The following CCT4 variants were observed in gnomAD, a reference collection of about 807,000 sequenced individuals.
CCT4 encodes chaperonin containing TCP1 subunit 4, also known as T-complex protein 1 subunit delta.
A neutral mutation model predicts 62.5 loss-of-function variants in CCT4; 17 were observed. The observed-to-expected ratio is 0.27, with a 90% confidence interval of 0.19 to 0.41. The LOEUF (loss-of-function observed/expected upper bound fraction) is 0.41, where lower values mean the gene tolerates loss of function less well. Among genes scored for constraint, CCT4 ranks in the 10% least tolerant of loss-of-function variants. The probability of loss-of-function intolerance (pLI) is 1.00; values close to 1 mark genes in which losing one functional copy is unlikely to be tolerated. For synonymous variants in CCT4, 250 were observed against 229.9 expected (o/e 1.09, Z -0.79); for missense variants, 592 against 659.2 (o/e 0.90, Z 1.12).
At chr2:61,874,622 AAAG>A (rs1458067973) in intron 8 of CCT4, among the ~76,000 whole-genome samples, 1 of 152,162 alleles carries the variant, frequency 6.6e-6, no homozygotes, top group Non-Finnish European at 1.5e-5. Flanking sequence ...AAAAAAAAAA[AAAG>A]AAGGAAAAAA....
chr2:61,869,352 CA>C (rs1483388617), intron 13 of CCT4, 87 bp downstream of exon 13: 4 of 754,706 alleles, frequency 5.3e-6, no homozygotes, highest in Non-Finnish European at 9.2e-6. Flanking sequence ...ACCAACCAAC[CA>C]ACCAAACAAC....
In CCT4 at chr2:61,876,957, C is replaced by G; in HGVS notation, c.740G>C (p.Gly247Ala). The change falls in exon 7 of 14, where the codon GGG becomes GCG. Residue 247 changes from glycine (G) to alanine (A), a missense_variant. By Grantham distance (60) the Gly-to-Ala change is moderately conservative (BLOSUM62 0). Coordinates refer to ENST00000394440, the MANE Select transcript of CCT4 (RefSeq NM_006430.4). Reference protein sequence around the residue: ...GITRVEKAKIGLIQFCLSAPK... With the variant: ...GITRVEKAKIALIQFCLSAPK... The stretch of plus-strand genomic sequence containing the variant: ...AGCAGATAAGCAAAACTGAATAAGC[C>G]CAATCTTGGCCTTTTCAACTCTGGT... 1 of 1,613,586 alleles carries G rather than the reference C, an allele frequency of 6.2e-7. No homozygotes were observed. The highest frequency in any genetic ancestry group is 8.5e-7 in the Non-Finnish European group (1 of 1,179,768).
At chr2:61,883,058 G>A (rs150586304) in intron 3 of CCT4, among the ~76,000 whole-genome samples, 57 of 152,272 alleles carry the variant, frequency 3.7e-4, no homozygotes, top group Non-Finnish European at 7.6e-4. Context: ...CACGAAAAGT[G>A]TTCATCGTGC....
rs1389112912 is a variant in CCT4 at position 61,868,361 on chromosome 2, G to GC, written c.*330dup. The GC allele has an allele frequency of 4.9e-5, 13 of 267,168 alleles. No homozygotes were observed. Among genetic ancestry groups the GC allele is most frequent in the Non-Finnish European group, 5.0e-5 (7 of 139,810 alleles). The allele number at this position is 267,168 out of a possible 1,614,324, so 16.5% of individuals were successfully genotyped here. The stretch of plus-strand genomic sequence containing the variant: ...ATATTATATGTTGGTAGTTTTTAAG[G>GC]CCAGGGAGCATTTATCAGTGATGAG... On this transcript the variant is annotated 3_prime_UTR_variant, in exon 14 of 14. Coordinates refer to ENST00000394440, the MANE Select transcript of CCT4 (RefSeq NM_006430.4).
chr2:61,877,526 A>T lies in CCT4; in HGVS notation c.523-12T>A, dbSNP rs1000294081. 15 of 200,900 alleles carry T rather than the reference A, an allele frequency of 7.5e-5. No homozygotes were observed. Among genetic ancestry groups the T allele is most frequent in the Middle Eastern group, 7.6e-4 (1 of 1,308 alleles). The allele number at this position is 200,900 out of a possible 1,614,324, so 12.4% of individuals were successfully genotyped here. ...TACTGAGAAACCACCTAGAATTATT[A>T]AAAAAAAAAAAAAGTTACCTTCACA... On this transcript the variant is annotated splice_polypyrimidine_tract_variant and intron_variant, in intron 5 of 13. Transcript: ENST00000394440.
At chr2:61,878,011 A>G (rs1284877924) in intron 5 of CCT4, among the ~76,000 whole-genome samples, 2 of 152,174 alleles carry the variant, frequency 1.3e-5, no homozygotes, top group Non-Finnish European at 1.5e-5. Context: ...TTGGCCAAAC[A>G]GCGTAGTTAA....
At chr2:61,869,143 GAAAAAAAAA>G (rs33947847) in intron 13 of CCT4, among the ~76,000 whole-genome samples, 2 of 70,716 alleles carry the variant, frequency 2.8e-5, no homozygotes, top group East Asian at 4.2e-4. Context: ...CTTCGTCTCA[GAAAAAAAAA>G]AAAAAAAAAA....
rs1668918028 is a variant in CCT4, at chr2:61,873,039, T to C, written c.1088A>G (p.Glu363Gly). Residue 363 changes from glutamate (E) to glycine (G), a missense_variant, in exon 10 of 14, where the codon GAG becomes GGG. Glu to Gly is a moderately conservative substitution (Grantham distance 98). This residue lies in a region of CCT4 where 522 missense variants were observed against 571.2 expected (regional missense o/e 0.91). Coordinates refer to ENST00000394440, the MANE Select transcript of CCT4 (RefSeq NM_006430.4). ...GCCAGAACCATTTAAATTGACCTCCTCAGCTAACTCAGCAGAACCCAGCAT... is the reference window on the plus strand; with the variant it reads ...GCCAGAACCATTTAAATTGACCTCCCCAGCTAACTCAGCAGAACCCAGCAT... ...ADMLGSAELA[E>G]EVNLNGSGKL... The C allele has an allele frequency of 6.2e-7, 1 of 1,612,022 alleles. No individual in the cohort carries two copies. Among genetic ancestry groups the C allele is most frequent in the South Asian group, 1.1e-5 (1 of 91,058 alleles).
Position 61,888,630 on chromosome 2 carries a change from C to T in CCT4, c.-123G>A. 3 of 1,227,166 alleles carry T rather than the reference C, an allele frequency of 2.4e-6. No homozygotes were observed. Among genetic ancestry groups the T allele is most frequent in the Non-Finnish European group, 3.3e-6 (3 of 911,264 alleles). The allele number at this position is 1,227,166 out of a possible 1,614,324, so 76.0% of individuals were successfully genotyped here. On this transcript the variant is annotated 5_prime_UTR_variant, in exon 1 of 14. Coordinates refer to ENST00000394440, the MANE Select transcript of CCT4 (RefSeq NM_006430.4). ...CGAACCTTCCAGAAAGCGGCGCCGG[C>T]GTCGGGAGGAGGCGGAGGCGGAGAA...
At chr2:61,870,249 T>C (rs1457357832) in intron 12 of CCT4, among the ~76,000 whole-genome samples, 1 of 151,922 alleles carries the variant, frequency 6.6e-6, no homozygotes, top group Non-Finnish European at 1.5e-5. Flanking sequence ...CACTCCAGCC[T>C]GGGTAACAGA....
At chr2:61,887,303 A>G (rs1304807915) in intron 1 of CCT4, among the ~76,000 whole-genome samples, 1 of 152,210 alleles carries the variant, frequency 6.6e-6, no homozygotes, top group Non-Finnish European at 1.5e-5. Flanking sequence ...TGGGCTGATG[A>G]CTGCAAACAC....
chr2:61,872,030 T>TTG, intron 12 of CCT4, 52 bp downstream of exon 12: 2 of 1,298,330 alleles, frequency 1.5e-6, no homozygotes, highest in African/African-American at 3.0e-5. Flanking sequence ...CTACAAAGCT[T>TTG]TTAATATTTT....
chr2:61,885,179 C>A, intron 1 of CCT4, 107 bp from the exon 2 acceptor site: 1 of 694,224 alleles, frequency 1.4e-6, no homozygotes. Context: ...TGGGCTCAAG[C>A]AACCCTCCCA....
At chr2:61,871,055 G>A (rs1254367396) in intron 12 of CCT4, among the ~76,000 whole-genome samples, 2 of 144,212 alleles carry the variant, frequency 1.4e-5, no homozygotes, top group African/African-American at 2.6e-5. Flanking sequence ...TTTTTGAGAC[G>A]GAGTCTCGCC....
rs59031193 is a variant in CCT4 at position 61,883,773 on chromosome 2, G to GACACAC, written c.181-231_181-226dup. ...GGTAATCTAAAAGTGAAGAAATGTA[G>GACACAC]ACACACACACACACACACACACACA... is the stretch of plus-strand genomic sequence containing the variant. On this transcript the variant is annotated intron_variant, in intron 2 of 13. Coordinates refer to ENST00000394440, the MANE Select transcript of CCT4 (RefSeq NM_006430.4). 3.0e-3 allele frequency among the ~76,000 whole-genome samples: 434 copies of GACACAC among 143,916 alleles called. 2 individuals are homozygous for GACACAC. Among genetic ancestry groups the GACACAC allele is most frequent in the African/African-American group, 5.7e-3 (225 of 39,144 alleles). 94.4% of individuals were successfully genotyped at this position (143,916 alleles called of 152,430 possible). A position where few individuals can be genotyped will look rare whatever the true frequency, so the allele number is the denominator to read the frequency against.
At chr2:61,876,706 C>T (rs754591057) in intron 7 of CCT4, among the ~76,000 whole-genome samples, 2 of 152,158 alleles carry the variant, frequency 1.3e-5, no homozygotes, top group South Asian at 2.1e-4. Context: ...CTACAGGCAT[C>T]GTTGCAAATG....
Position 61,888,396 on chromosome 2 carries a change from T to A in CCT4, c.112A>T (p.Ile38Phe), listed in dbSNP as rs199542002. The change falls in exon 1 of 14, where the codon ATT becomes TTT. Residue 38 changes from isoleucine to phenylalanine, a missense_variant. Physicochemically the swap from Ile to Phe is conservative, Grantham distance 21 (BLOSUM62 0). Coordinates refer to ENST00000394440, the MANE Select transcript of CCT4 (RefSeq NM_006430.4). Reference sequence around the variant, plus strand: ...AGAGTGATACCTTTGGCGGCGGAAATGTTGCTGAAGCGGATCTGGGCTGGC... The same window carrying A: ...AGAGTGATACCTTTGGCGGCGGAAAAGTTGCTGAAGCGGATCTGGGCTGGC... ...DKPAQIRFSN[I>F]SAAKAVADAI... The A allele has an allele frequency of 6.2e-7, 1 of 1,612,620 alleles. No homozygotes were observed. Among genetic ancestry groups the A allele is most frequent in the South Asian group, 1.1e-5 (1 of 90,934 alleles).
chr2:61,884,007 G>T (rs912953317), intron 2 of CCT4, among the ~76,000 whole-genome samples: 1 of 152,084 alleles, frequency 6.6e-6, no homozygotes, highest in African/African-American at 2.4e-5. Flanking sequence ...GGGAAAGATA[G>T]ATTTTTGAAT....
Position 61,888,607 on chromosome 2 carries a change from A to T in CCT4, c.-100T>A. Reference sequence around the variant, plus strand: ...ACGGTAAGCCCTCACTGCCTTCACGAACCTTCCAGAAAGCGGCGCCGGCGT... The same window carrying T: ...ACGGTAAGCCCTCACTGCCTTCACGTACCTTCCAGAAAGCGGCGCCGGCGT... On this transcript the variant is annotated 5_prime_UTR_variant, in exon 1 of 14. Transcript: ENST00000394440. 7.2e-7 allele frequency: 1 copy of T among 1,383,216 alleles called. No individual in the cohort carries two copies. Among genetic ancestry groups the T allele is most frequent in the Non-Finnish European group, 9.6e-7 (1 of 1,040,084 alleles). 85.7% of individuals were successfully genotyped at this position (1,383,216 alleles called of 1,614,324 possible).
Sources: allele counts gnomAD v4.1 joint callset (sites outside exome capture counted in the v4.1 genomes callset), GRCh38; gene constraint gnomAD v4.1.1; regional missense constraint gnomAD v4.1.1; transcripts MANE v1.5; gene names NCBI Gene and HGNC (gene_info 2026-07-23, HGNC 2026-07-21).